RAD51B: variants seen among roughly 807,000 people sequenced by gnomAD.
RAD51B encodes DNA repair protein RAD51 homolog 2.
In RAD51B, 38 loss-of-function variants were observed where a neutral mutation model predicts 42.2. That is an observed-to-expected ratio of 0.90 (90% confidence interval 0.70 to 1.18). The LOEUF is 1.18. Ranked by LOEUF, RAD51B falls within the 50% of genes most tolerant of loss-of-function variation. The pLI is 0.00. For missense variants in RAD51B, 373 were observed against 400.7 expected, an observed-to-expected ratio of 0.93 and a Z score of 0.59; for synonymous variants, 154 against 145.2, an observed-to-expected ratio of 1.06 and a Z score of -0.43.
chr14:68,269,310 C>T (rs564495646), intron 7 of RAD51B, among the ~76,000 whole-genome samples: 36 of 152,350 alleles, frequency 2.4e-4, no homozygotes, highest in African/African-American at 8.7e-4. Context: ...GCAACCAAAC[C>T]CAAGGCTGGG....
intron 9 of RAD51B, among the ~76,000 whole-genome samples, chr14:68,444,318 C>T (rs1294158318): frequency 6.6e-6 from 1 of 152,192 alleles, no homozygotes. Context: ...CATAGCTCTC[C>T]ATTCAGGGAC....
chr14:67,944,448 T>G (rs1371154470), intron 7 of RAD51B, among the ~76,000 whole-genome samples: 1 of 152,142 alleles, frequency 6.6e-6, no homozygotes. Flanking sequence ...CCTTTGTTGT[T>G]TCATAAAAAC....
intron 8 of RAD51B, among the ~76,000 whole-genome samples, chr14:68,305,082 G>A (rs1182241355): frequency 6.6e-6 from 1 of 152,152 alleles, no homozygotes; most frequent in Non-Finnish European, 1.5e-5. Flanking sequence ...TTTAAAATAT[G>A]AAGTGGGTTC....
At chr14:67,866,321 T>A (rs2042335525) in intron 5 of RAD51B, among the ~76,000 whole-genome samples, 1 of 152,078 alleles carries the variant, frequency 6.6e-6, no homozygotes, top group South Asian at 2.1e-4. Flanking sequence ...AACATGAAAA[T>A]ATATTTGAGA....
intron 8 of RAD51B, among the ~76,000 whole-genome samples, chr14:68,391,650 T>A (rs567650629): frequency 1.6e-4 from 24 of 152,016 alleles, no homozygotes; most frequent in African/African-American, 5.8e-4. Flanking sequence ...ATTTTTTTTT[T>A]ATCATGAAGC....
chr14:68,108,695 GATGGTTATAAAA>G (rs2077414418), intron 7 of RAD51B, among the ~76,000 whole-genome samples: 1 of 151,850 alleles, frequency 6.6e-6, no homozygotes, highest in Non-Finnish European at 1.5e-5. Context: ...AGATATTGGT[GATGGTTATAAAA>G]CTCTGTGAGC....
At chr14:67,913,688 A>G (rs543571148) in intron 7 of RAD51B, among the ~76,000 whole-genome samples, 1 of 152,230 alleles carries the variant, frequency 6.6e-6, no homozygotes, top group East Asian at 1.9e-4. Context: ...AGGTATGTAT[A>G]TTTATGGGGT....
chr14:68,519,674 A>T (rs1268883397), intron 10 of RAD51B, among the ~76,000 whole-genome samples: 1 of 152,226 alleles, frequency 6.6e-6, no homozygotes, highest in African/African-American at 2.4e-5. Context: ...GCCCAGATGT[A>T]TGTAGAACGT....
intron 8 of RAD51B, among the ~76,000 whole-genome samples, chr14:68,324,839 C>T (rs1224737541): frequency 2.6e-5 from 4 of 152,080 alleles, no homozygotes; most frequent in South Asian, 2.1e-4. Flanking sequence ...TGATGCTCAC[C>T]CCCAGTTATT....
chr14:68,118,407 G>T (rs568765546), intron 7 of RAD51B, among the ~76,000 whole-genome samples: 2 of 152,188 alleles, frequency 1.3e-5, no homozygotes, highest in Non-Finnish European at 2.9e-5. Context: ...ACCTGTGACA[G>T]TTCTAATGAG....
intron 7 of RAD51B, among the ~76,000 whole-genome samples, chr14:67,955,624 A>G (rs1215856215): frequency 6.6e-6 from 1 of 152,244 alleles, no homozygotes; most frequent in Non-Finnish European, 1.5e-5. Context: ...AGAATTGGTG[A>G]TGATAAAAAT....
At chr14:68,200,723 G>A (rs1480738129) in intron 7 of RAD51B, among the ~76,000 whole-genome samples, 3 of 151,750 alleles carry the variant, frequency 2.0e-5, no homozygotes, top group South Asian at 2.1e-4. Context: ...GTGTGATCAC[G>A]GCTCACTGTA....
chr14:68,541,899 C>G, intron 10 of RAD51B: 1 of 926,080 alleles, frequency 1.1e-6, no homozygotes, highest in Middle Eastern at 5.5e-4. Context: ...CCCATTGGTC[C>G]TCTATTTTGT....
At chr14:68,256,389 G>A (rs1051059948) in intron 7 of RAD51B, among the ~76,000 whole-genome samples, 4 of 152,118 alleles carry the variant, frequency 2.6e-5, no homozygotes, top group African/African-American at 9.7e-5. Flanking sequence ...AAGACTTACT[G>A]GAAAGTCCAT....
intron 7 of RAD51B, among the ~76,000 whole-genome samples, chr14:68,179,683 C>T (rs535465931): frequency 3.2e-4 from 48 of 152,212 alleles, no homozygotes; most frequent in Non-Finnish European, 1.8e-4. Flanking sequence ...CAAAGAACAT[C>T]TCTAGTAATA....
At chr14:68,616,609 T>C (rs1161368590) in intron 10 of RAD51B, among the ~76,000 whole-genome samples, 1 of 152,202 alleles carries the variant, frequency 6.6e-6, no homozygotes, top group Non-Finnish European at 1.5e-5. Flanking sequence ...TTGTGATTCC[T>C]GGATCTGTGG....
chr14:68,523,693 T>G (rs533487786), intron 10 of RAD51B, among the ~76,000 whole-genome samples: 4 of 152,322 alleles, frequency 2.6e-5, no homozygotes, highest in Admixed American at 2.6e-4. Flanking sequence ...TTTGTAGGAA[T>G]GCCTCTTGGT....
At chr14:68,591,563 T>G (rs1045663021) in intron 10 of RAD51B, among the ~76,000 whole-genome samples, 1 of 152,210 alleles carries the variant, frequency 6.6e-6, no homozygotes, top group African/African-American at 2.4e-5. Flanking sequence ...AGGAGCCTGA[T>G]GGGTCTGATG....
At chr14:68,494,816 T>C (rs1884377728) in intron 10 of RAD51B, among the ~76,000 whole-genome samples, 1 of 151,950 alleles carries the variant, frequency 6.6e-6, no homozygotes, top group Non-Finnish European at 1.5e-5. Flanking sequence ...GTTTACTAGA[T>C]GTAGGTTCCC....
Sources: allele counts gnomAD v4.1 joint callset (sites outside exome capture counted in the v4.1 genomes callset), GRCh38; gene constraint gnomAD v4.1.1; transcripts MANE v1.5; gene names NCBI Gene and HGNC (gene_info 2026-07-23, HGNC 2026-07-21).